ZDHHC21: variants seen among roughly 807,000 people sequenced by gnomAD.
ZDHHC21 encodes the protein palmitoyltransferase ZDHHC21.
ZDHHC21 carries 15 observed loss-of-function variants against 34.6 expected under a neutral mutation model. The observed-to-expected ratio is 0.43, with a 90% CI of 0.29 to 0.67. ZDHHC21 has a LOEUF of 0.67. Ranked by LOEUF, ZDHHC21 falls within the 30% of genes least tolerant of loss-of-function variation. ZDHHC21 has a pLI of 0.14. For synonymous variants in ZDHHC21, 142 were observed against 101.8 expected (o/e 1.40, Z -2.38); for missense variants, 344 against 327.7 (o/e 1.05, Z -0.38).
At chr9:14,646,297 A>T (rs764385032) in intron 7 of ZDHHC21, among the ~76,000 whole-genome samples, 4 of 152,174 alleles carry the variant, frequency 2.6e-5, no homozygotes, top group Non-Finnish European at 4.4e-5. Context: ...GATTCACTTA[A>T]CTGTTTTTAT....
intron 5 of ZDHHC21, among the ~76,000 whole-genome samples, chr9:14,672,544 A>G (rs991039412): frequency 6.6e-6 from 1 of 151,966 alleles, no homozygotes. Flanking sequence ...AGGAAGGACA[A>G]TCTATGCTCC....
At chr9:14,674,158 T>C in intron 4 of ZDHHC21, 29 bp downstream of exon 4, 9 of 1,432,298 alleles carry the variant, frequency 6.3e-6, no homozygotes, top group African/African-American at 1.5e-5. Flanking sequence ...AAAATAATTA[T>C]ACAAGAAAAT....
intron 7 of ZDHHC21, among the ~76,000 whole-genome samples, chr9:14,651,709 G>A (rs1006895435): frequency 6.6e-6 from 1 of 151,820 alleles, no homozygotes; most frequent in African/African-American, 2.4e-5. Context: ...ATATTTAATT[G>A]AAAACCGTAA....
intron 7 of ZDHHC21, among the ~76,000 whole-genome samples, chr9:14,645,034 G>GA (rs942387652): frequency 2.0e-4 from 30 of 152,058 alleles, no homozygotes; most frequent in African/African-American, 6.3e-4. Context: ...CTTAGAGGGA[G>GA]AAAAAAAGTC....
chr9:14,647,683 A>G (rs1313569185), intron 7 of ZDHHC21, among the ~76,000 whole-genome samples: 1 of 52,728 alleles, frequency 1.9e-5, no homozygotes, highest in East Asian at 3.6e-4. Flanking sequence ...ATTTACCACC[A>G]CGTTTCTTGA....
At chr9:14,665,383 G>A (rs1310752817) in intron 5 of ZDHHC21, among the ~76,000 whole-genome samples, 8 of 141,894 alleles carry the variant, frequency 5.6e-5, no homozygotes, top group African/African-American at 2.1e-4. Flanking sequence ...TGGTGTACCT[G>A]AAAGTGATGG....
At chr9:14,652,421 A>C (rs954998081) in intron 7 of ZDHHC21, among the ~76,000 whole-genome samples, 1 of 152,002 alleles carries the variant, frequency 6.6e-6, no homozygotes, top group East Asian at 1.9e-4. Flanking sequence ...CTTCCTCAAC[A>C]AAAGATAAAT....
chr9:14,603,235 A>T, the ZDHHC21 span, among the ~76,000 whole-genome samples: 1 of 152,138 alleles, frequency 6.6e-6, no homozygotes. Flanking sequence ...GAAGACAGAA[A>T]ATAATGTATT....
At chr9:14,600,617 A>G in the ZDHHC21 span, among the ~76,000 whole-genome samples, 2 of 152,324 alleles carry the variant, frequency 1.3e-5, no homozygotes, top group East Asian at 3.9e-4. Context: ...CCATCAAGTT[A>G]CCATTGACTT....
chr9:14,665,704 A>T (rs1269801829), intron 5 of ZDHHC21, among the ~76,000 whole-genome samples: 4 of 141,680 alleles, frequency 2.8e-5, no homozygotes, highest in Middle Eastern at 3.5e-3. Context: ...CAACATTCTT[A>T]AAGAAAAGAA....
intron 6 of ZDHHC21, among the ~76,000 whole-genome samples, chr9:14,660,677 T>C (rs1396002340): frequency 6.6e-6 from 1 of 152,088 alleles, no homozygotes; most frequent in Admixed American, 6.5e-5. Context: ...TACCAACTTC[T>C]GAAAAGTTGA....
At chr9:14,654,007 T>C (rs1475499846) in intron 7 of ZDHHC21, among the ~76,000 whole-genome samples, 1 of 151,982 alleles carries the variant, frequency 6.6e-6, no homozygotes, top group African/African-American at 2.4e-5. Flanking sequence ...AGGTGAGCCA[T>C]ATATTCTGCA....
intron 2 of ZDHHC21, among the ~76,000 whole-genome samples, chr9:14,681,131 G>A (rs997076198): frequency 7.9e-5 from 12 of 152,148 alleles, no homozygotes; most frequent in Admixed American, 2.6e-4. Context: ...AACATTACTA[G>A]TACGCACAGA....
intron 3 of ZDHHC21, among the ~76,000 whole-genome samples, chr9:14,675,146 T>C (rs1165349774): frequency 6.6e-6 from 1 of 151,942 alleles, no homozygotes; most frequent in Non-Finnish European, 1.5e-5. Context: ...CTTTTTTTAG[T>C]TGAGTGTTAA....
At chr9:14,597,076 G>T in the ZDHHC21 span, among the ~76,000 whole-genome samples, 1 of 152,140 alleles carries the variant, frequency 6.6e-6, no homozygotes, top group Non-Finnish European at 1.5e-5. Flanking sequence ...AGCCCTCACA[G>T]GCCCTGAGAC....
At position 14,655,142 on chromosome 9, in the gene ZDHHC21, T is replaced by C. The variant is rs1298824982; in HGVS notation, c.504+3607A>G. ...TAAAGAAAAACATATTTCATTGGAGTAACAGTAAGACCAACAACTGACTTT... is the reference window on the plus strand; with the variant it reads ...TAAAGAAAAACATATTTCATTGGAGCAACAGTAAGACCAACAACTGACTTT... On this transcript the variant is annotated intron_variant, in intron 7 of 9. Transcript: ENST00000380916. Among the ~76,000 whole-genome samples the C allele has an allele frequency of 4.6e-5, 7 of 151,986 alleles. No homozygotes were observed. The East Asian group carries it at 1.4e-3, about 29-fold the overall frequency.
intron 7 of ZDHHC21, among the ~76,000 whole-genome samples, chr9:14,649,268 A>AAAAAAT (rs1266123561): frequency 6.6e-6 from 1 of 152,140 alleles, no homozygotes; most frequent in East Asian, 1.9e-4. Context: ...TCATAAAATT[A>AAAAAAT]AAAAATAAAA....
intron 6 of ZDHHC21, among the ~76,000 whole-genome samples, chr9:14,661,349 C>G (rs1833362606): frequency 1.3e-5 from 2 of 152,092 alleles, no homozygotes. Flanking sequence ...CCACTTGCAT[C>G]AATTTTAAAT....
downstream of ZDHHC21, among the ~76,000 whole-genome samples, chr9:14,606,802 A>C (rs185494651): frequency 2.0e-5 from 3 of 152,266 alleles, no homozygotes; most frequent in Non-Finnish European, 4.4e-5. Flanking sequence ...TGACAAGCAA[A>C]GGTAACCTAG....
Sources: allele counts gnomAD v4.1 joint callset (sites outside exome capture counted in the v4.1 genomes callset), GRCh38; gene constraint gnomAD v4.1.1; transcripts MANE v1.5; gene names NCBI Gene and HGNC (gene_info 2026-07-23, HGNC 2026-07-21).